XKR4: variants seen among roughly 807,000 people sequenced by gnomAD.
XKR4 encodes XK related 4.
XKR4 carries 12 observed loss-of-function variants against 53.9 expected under a neutral mutation model. That is an observed-to-expected ratio of 0.22 (90% CI 0.14 to 0.36). The LOEUF (loss-of-function observed/expected upper bound fraction) is 0.36. Among genes scored for constraint, XKR4 ranks in the 10% least tolerant of loss-of-function variants. XKR4 has a pLI of 1.00. For synonymous variants in XKR4, 354 were observed against 362.4 expected (o/e 0.98, Z 0.26); for missense variants, 799 against 859.5 (o/e 0.93, Z 0.88).
intron 1 of XKR4, among the ~76,000 whole-genome samples, chr8:55,150,509 G>C (rs746664317): frequency 2.6e-5 from 4 of 152,208 alleles, no homozygotes; most frequent in South Asian, 2.1e-4. Flanking sequence ...TTAGGAAGTC[G>C]TGCATGACCC....
At chr8:55,151,087 A>G (rs543775641) in intron 1 of XKR4, among the ~76,000 whole-genome samples, 102 of 152,338 alleles carry the variant, frequency 6.7e-4, no homozygotes, top group Middle Eastern at 3.4e-3. Context: ...ACTTTTTGTC[A>G]GTGTAAGATT....
chr8:55,291,046 A>G (rs1819011587), intron 1 of XKR4, among the ~76,000 whole-genome samples: 1 of 152,160 alleles, frequency 6.6e-6, no homozygotes, highest in Non-Finnish European at 1.5e-5. Flanking sequence ...TTGTATATAA[A>G]ATGTGAGATT....
chr8:55,449,658 T>C (rs145068230), intron 2 of XKR4: 8 of 925,014 alleles, frequency 8.6e-6, no homozygotes, highest in African/African-American at 8.1e-5. Context: ...ATGGTGGCCA[T>C]GCCAGGTGCC....
chr8:55,150,895 A>G (rs540544839), intron 1 of XKR4, among the ~76,000 whole-genome samples: 1 of 152,264 alleles, frequency 6.6e-6, no homozygotes, highest in African/African-American at 2.4e-5. Context: ...GAATGAACAC[A>G]TTTGTCTACA....
At chr8:55,331,178 T>G (rs756608695) in intron 1 of XKR4, among the ~76,000 whole-genome samples, 4 of 152,168 alleles carry the variant, frequency 2.6e-5, no homozygotes, top group Admixed American at 1.3e-4. Flanking sequence ...TGAAGATACT[T>G]TCTAATTTTC....
At chr8:55,404,265 T>A (rs575795389) in intron 2 of XKR4, among the ~76,000 whole-genome samples, 1 of 151,874 alleles carries the variant, frequency 6.6e-6, no homozygotes, top group African/African-American at 2.4e-5. Flanking sequence ...AGATGACAGA[T>A]GACAGATAGA....
At chr8:55,220,152 A>T (rs531035282) in intron 1 of XKR4, among the ~76,000 whole-genome samples, 1 of 152,314 alleles carries the variant, frequency 6.6e-6, no homozygotes, top group East Asian at 1.9e-4. Context: ...GTATGCATAG[A>T]TAAAAATATC....
At chr8:55,376,027 G>A (rs1804147113) in intron 2 of XKR4, among the ~76,000 whole-genome samples, 1 of 152,104 alleles carries the variant, frequency 6.6e-6, no homozygotes, top group Admixed American at 6.6e-5. Flanking sequence ...ATGGCTTCCA[G>A]CTTCATCCAT....
chr8:55,481,670 A>T (rs1484667691), intron 2 of XKR4, among the ~76,000 whole-genome samples: 1 of 152,072 alleles, frequency 6.6e-6, no homozygotes, highest in Non-Finnish European at 1.5e-5. Flanking sequence ...AATATCCAGA[A>T]TCTACAATGA....
At chr8:55,133,715 C>G (rs73596965) in intron 1 of XKR4, among the ~76,000 whole-genome samples, 3,856 of 152,256 alleles carry the variant, frequency 0.025, 161 homozygotes, top group African/African-American at 0.087. Context: ...TTGCTGAAAT[C>G]TTAATTAGGT....
At chr8:55,286,095 A>G (rs1320391006) in intron 1 of XKR4, among the ~76,000 whole-genome samples, 1 of 152,220 alleles carries the variant, frequency 6.6e-6, no homozygotes, top group Admixed American at 6.5e-5. Context: ...TTTGTTGCCA[A>G]GTAAAAGAAA....
At chr8:55,110,474 T>TGAAG (rs1442600869) in intron 1 of XKR4, among the ~76,000 whole-genome samples, 14 of 152,316 alleles carry the variant, frequency 9.2e-5, no homozygotes. Context: ...TTCTTCTTGA[T>TGAAG]GAAGGTGTAG....
intron 2 of XKR4, among the ~76,000 whole-genome samples, chr8:55,464,951 G>A (rs1459441450): frequency 2.0e-5 from 3 of 151,956 alleles, no homozygotes; most frequent in Non-Finnish European, 4.4e-5. Context: ...ACCTCTTCAA[G>A]GAGAACTACA....
chr8:55,361,475 T>A (rs1803907933), intron 2 of XKR4, among the ~76,000 whole-genome samples: 2 of 152,082 alleles, frequency 1.3e-5, no homozygotes, highest in African/African-American at 4.8e-5. Flanking sequence ...CAGTTGTATC[T>A]TCCAGCAAAA....
intron 2 of XKR4, among the ~76,000 whole-genome samples, chr8:55,366,904 C>T (rs1023075685): frequency 6.6e-6 from 1 of 152,324 alleles, no homozygotes; most frequent in Non-Finnish European, 1.5e-5. Flanking sequence ...CATGGACCCA[C>T]GCCACCACCC....
At chr8:55,255,044 A>C (rs888574627) in intron 1 of XKR4, among the ~76,000 whole-genome samples, 1 of 152,200 alleles carries the variant, frequency 6.6e-6, no homozygotes, top group Non-Finnish European at 1.5e-5. Context: ...GCCAAGCAAA[A>C]CAAATAGGCT....
At position 55,389,194 on chromosome 8, in the gene XKR4, C is replaced by T. The variant is rs180972503; in HGVS notation, c.1006+31317C>T. On this transcript the variant is annotated intron_variant, in intron 2 of 2. Coordinates refer to ENST00000327381, the MANE Select transcript of XKR4 (RefSeq NM_052898.2). ...CCTTCTCCAGCACTTCCAAAGAGTG[C>T]GTGGCCCTGCAGGCACCTTGGTACT... Among the ~76,000 whole-genome samples the T allele has an allele frequency of 2.0e-3, 301 of 152,256 alleles. 1 individual carries two copies. The highest frequency in any genetic ancestry group is 6.7e-3 in the African/African-American group (280 of 41,566).
At chr8:55,149,356 T>C (rs1346103115) in intron 1 of XKR4, among the ~76,000 whole-genome samples, 1 of 152,148 alleles carries the variant, frequency 6.6e-6, no homozygotes, top group Non-Finnish European at 1.5e-5. Flanking sequence ...TAGAGCTGCC[T>C]TACGCTGTGA....
chr8:55,205,007 G>A (rs1422036161), intron 1 of XKR4, among the ~76,000 whole-genome samples: 2 of 152,298 alleles, frequency 1.3e-5, no homozygotes, highest in Non-Finnish European at 2.9e-5. Flanking sequence ...GGCGTAATTC[G>A]TGTTCCTAAT....
Sources: allele counts gnomAD v4.1 joint callset (sites outside exome capture counted in the v4.1 genomes callset), GRCh38; gene constraint gnomAD v4.1.1; transcripts MANE v1.5; gene names NCBI Gene and HGNC (gene_info 2026-07-23, HGNC 2026-07-21).